MICU1: variants seen among roughly 807,000 people sequenced by gnomAD.
MICU1 encodes mitochondrial calcium uptake 1, also known as calcium uptake protein 1, mitochondrial.
In MICU1, 45 loss-of-function variants were observed where a neutral mutation model predicts 56.8. The ratio of observed to expected loss-of-function variants is 0.79; its 90% confidence interval spans 0.62 to 1.02. MICU1 has a LOEUF of 1.02. MICU1 is among the 50% of genes least tolerant of loss of function. MICU1 has a pLI of 0.00. For synonymous variants in MICU1, 186 were observed against 195.1 expected (o/e 0.95, Z 0.39); for missense variants, 504 against 587.1 (o/e 0.86, Z 1.46).
In MICU1 at chr10:72,560,870, AAAAC is replaced by A. The variant is rs1211461808; in HGVS notation, c.330+2021_330+2024del. 1.3e-4 allele frequency among the ~76,000 whole-genome samples: 20 copies of A among 152,352 alleles called. 1 individual carries two copies. The South Asian group carries it at 2.3e-3, about 17-fold the overall frequency. On this transcript the variant is annotated intron_variant, in intron 3 of 11. Coordinates refer to ENST00000361114, the MANE Select transcript of MICU1 (RefSeq NM_001195518.2). ...GGGCGACAGACCGAGACTCCATCTC[AAAAC>A]AAACAAACAAAACACAAAACTTATG...
chr10:72,603,022 G>A (rs1841583615), intron 1 of MICU1, among the ~76,000 whole-genome samples: 1 of 151,818 alleles, frequency 6.6e-6, no homozygotes, highest in Non-Finnish European at 1.5e-5. Flanking sequence ...GGCTGAGGCA[G>A]GAGAATGGCG....
At chr10:72,573,328 A>AAAAAAAAAAAAAAAAAAAAAAC in intron 1 of MICU1, among the ~76,000 whole-genome samples, 1 of 114,300 alleles carries the variant, frequency 8.7e-6, no homozygotes, top group Non-Finnish European at 1.9e-5. Flanking sequence ...AAAAAAAAAA[A>AAAAAAAAAAAAAAAAAAAAAAC]AAAAAAACTA....
intron 1 of MICU1, among the ~76,000 whole-genome samples, chr10:72,590,931 A>G (rs1841209087): frequency 6.6e-6 from 1 of 151,926 alleles, no homozygotes; most frequent in Non-Finnish European, 1.5e-5. Context: ...ACCCAACAAC[A>G]GCATACACAT....
At chr10:72,435,620 G>T (rs904242708) in intron 8 of MICU1, among the ~76,000 whole-genome samples, 1 of 152,126 alleles carries the variant, frequency 6.6e-6, no homozygotes. Context: ...AGGGGTTGGG[G>T]GATTTCCCTT....
intron 6 of MICU1, among the ~76,000 whole-genome samples, chr10:72,504,944 C>G (rs1179224772): frequency 6.6e-6 from 1 of 151,402 alleles, no homozygotes; most frequent in Non-Finnish European, 1.5e-5. Context: ...TCACACCGGT[C>G]AGAATGGCTA....
chr10:72,482,243 G>C (rs1290510426), intron 6 of MICU1, among the ~76,000 whole-genome samples: 1 of 152,152 alleles, frequency 6.6e-6, no homozygotes, highest in Non-Finnish European at 1.5e-5. Context: ...ATAACCTAAT[G>C]AGTCATTTGC....
intron 8 of MICU1, among the ~76,000 whole-genome samples, chr10:72,470,844 T>C (rs186660754): frequency 1.3e-5 from 2 of 152,294 alleles, no homozygotes; most frequent in East Asian, 1.9e-4. Flanking sequence ...CAAGAGTCTA[T>C]TGGTCTCCTC....
chr10:72,601,947 G>C (rs931633203), intron 1 of MICU1, among the ~76,000 whole-genome samples: 5 of 151,684 alleles, frequency 3.3e-5, no homozygotes, highest in African/African-American at 1.2e-4. Flanking sequence ...CTACAGGAGA[G>C]TGCCACCATG....
chr10:72,409,795 A>G (rs2132108117), intron 9 of MICU1, among the ~76,000 whole-genome samples: 1 of 152,352 alleles, frequency 6.6e-6, no homozygotes, highest in African/African-American at 2.4e-5. Context: ...GTGGAATATG[A>G]TGACTATATA....
At chr10:72,424,538 A>C (rs754326093) in intron 8 of MICU1, among the ~76,000 whole-genome samples, 3 of 151,296 alleles carry the variant, frequency 2.0e-5, no homozygotes, top group Non-Finnish European at 2.9e-5. Context: ...GCTGGTCTTG[A>C]ACTTCTGGGA....
intron 3 of MICU1, among the ~76,000 whole-genome samples, chr10:72,559,162 T>C (rs911410746): frequency 6.6e-6 from 1 of 152,064 alleles, no homozygotes; most frequent in African/African-American, 2.4e-5. Flanking sequence ...CACTCCAGCC[T>C]ATGTGACAGA....
chr10:72,408,565 T>G (rs1863705753), intron 9 of MICU1, among the ~76,000 whole-genome samples: 2 of 152,168 alleles, frequency 1.3e-5, no homozygotes, highest in South Asian at 4.1e-4. Context: ...TGCCTCAGCC[T>G]CCCAACGTGC....
chr10:72,524,879 T>C, intron 5 of MICU1: 1 of 502,432 alleles, frequency 2.0e-6, no homozygotes, highest in Non-Finnish European at 3.1e-6. Context: ...ACTGAACACC[T>C]GGAAGTAGGA....
At chr10:72,597,724 C>A (rs1841417849) in intron 1 of MICU1, among the ~76,000 whole-genome samples, 2 of 152,074 alleles carry the variant, frequency 1.3e-5, no homozygotes, top group African/African-American at 4.8e-5. Context: ...TTTTATACAA[C>A]ATTTTTTGTA....
At chr10:72,407,003 A>G (rs1863653151) in intron 10 of MICU1, among the ~76,000 whole-genome samples, 1 of 152,226 alleles carries the variant, frequency 6.6e-6, no homozygotes, top group Non-Finnish European at 1.5e-5. Flanking sequence ...GATCTCAAAA[A>G]CATTGAGTGA....
In MICU1 at chr10:72,593,179, T is replaced by C. The variant is rs186841438; in HGVS notation, c.-1-26385A>G. Among the ~76,000 whole-genome samples the C allele has an allele frequency of 6.6e-5, 10 of 152,286 alleles. No homozygotes were observed. In the East Asian group the frequency reaches 1.2e-3, roughly 18 times the overall value. The stretch of plus-strand genomic sequence containing the variant: ...TATATGGAAAACCCAGAGCACACAT[T>C]GCACTCAATGGTAAAAAACTGAAAG... On this transcript the variant is annotated intron_variant, in intron 1 of 11. Transcript: ENST00000361114.
Position 72,372,156 on chromosome 10 carries a change from G to T in MICU1, c.1270+3627C>A, listed in dbSNP as rs1862367063. Reference sequence around the variant, plus strand: ...GGTCAAAGCAAGAGGACAGCTTTAGGCCAGAAGTTTGAGACGAGCCTGGGC... The same window carrying T: ...GGTCAAAGCAAGAGGACAGCTTTAGTCCAGAAGTTTGAGACGAGCCTGGGC... On this transcript the variant is annotated intron_variant, in intron 11 of 11. Coordinates refer to ENST00000361114, the MANE Select transcript of MICU1 (RefSeq NM_001195518.2). Among the ~76,000 whole-genome samples the T allele has an allele frequency of 4.0e-5, 6 of 151,784 alleles. No homozygotes were observed. In the South Asian group the frequency reaches 1.2e-3, roughly 32 times the overall value.
intron 1 of MICU1, among the ~76,000 whole-genome samples, chr10:72,569,696 A>AC (rs1015083437): frequency 8.5e-5 from 13 of 152,080 alleles, no homozygotes; most frequent in African/African-American, 3.1e-4. Flanking sequence ...ATGTTGAGAC[A>AC]CCCCCAAAAC....
intron 8 of MICU1, among the ~76,000 whole-genome samples, chr10:72,451,831 C>T (rs566306534): frequency 1.3e-5 from 2 of 152,166 alleles, no homozygotes; most frequent in East Asian, 3.9e-4. Context: ...ACATGAGCCA[C>T]TGTGCCTGGC....
Sources: gnomAD v4.1 joint callset for allele counts (sites outside exome capture counted in the v4.1 genomes callset) on GRCh38, gnomAD v4.1.1 for gene constraint, MANE v1.5 for transcripts, NCBI Gene and HGNC (gene_info 2026-07-23, HGNC 2026-07-21) for gene names.